MOV10L1: variants seen among roughly 807,000 people sequenced by gnomAD.
MOV10L1 encodes Mov10 like RNA helicase 1, also known as RNA helicase Mov10l1.
MOV10L1 carries 110 observed loss-of-function variants against 143.8 expected under a neutral mutation model. That is an observed-to-expected ratio of 0.76 (90% CI 0.66 to 0.90). MOV10L1 has a LOEUF of 0.90. MOV10L1 is among the 40% of genes least tolerant of loss of function. The pLI, the probability that MOV10L1 is intolerant of heterozygous loss-of-function variation, is 0.00. For synonymous variants in MOV10L1, 593 were observed against 581.1 expected (o/e 1.02, Z -0.29); for missense variants, 1,406 against 1,526.8 (o/e 0.92, Z 1.32).
At chr22:50,140,015 G>A (rs112431179) in intron 15 of MOV10L1, among the ~76,000 whole-genome samples, 118 of 152,314 alleles carry the variant, frequency 7.7e-4, no homozygotes, top group African/African-American at 2.5e-3. Flanking sequence ...ATAAGGCCAC[G>A]TGAGGACCCA....
rs2063488768 is a variant in MOV10L1 at position 50,158,804 on chromosome 22, T to C, written c.3216+598T>C. 1 of 152,662 alleles carries C rather than the reference T, an allele frequency of 6.6e-6. No homozygotes were observed. The highest frequency in any genetic ancestry group is 6.5e-5 in the Admixed American group (1 of 15,316). The allele number at this position is 152,662 out of a possible 1,614,324, so 9.5% of individuals were successfully genotyped here. ...AATACAGAAGAAAAGGTGAGTCCCC[T>C]AGGCCATCACAGTAACAGATCACCT... On this transcript the variant is annotated intron_variant, in intron 23 of 26. Coordinates refer to ENST00000262794, the MANE Select transcript of MOV10L1 (RefSeq NM_018995.3). The surrounding 1 kb of genome is among the most constrained non-coding windows in gnomAD (Gnocchi z 5.0).
intron 10 of MOV10L1, among the ~76,000 whole-genome samples, chr22:50,124,883 T>C (rs2062450475): frequency 6.6e-6 from 1 of 152,222 alleles, no homozygotes; most frequent in Non-Finnish European, 1.5e-5. Flanking sequence ...GGGGCCCCCA[T>C]GGATTGTTTC....
chr22:50,161,175 G>A, intron 26 of MOV10L1, 120 bp downstream of exon 26: 2 of 1,159,264 alleles, frequency 1.7e-6, no homozygotes, highest in Admixed American at 1.8e-5. Flanking sequence ...CCCTCTGCCG[G>A]CCACCGTCCT....
At chr22:50,127,786 T>G (rs907302044) in intron 12 of MOV10L1, among the ~76,000 whole-genome samples, 5 of 152,014 alleles carry the variant, frequency 3.3e-5, no homozygotes, top group African/African-American at 1.2e-4. Context: ...TTTGTTTTTT[T>G]TTTTGAGATG....
chr22:50,101,978 G>A lies in MOV10L1; in HGVS notation c.442+2376G>A, dbSNP rs557154758. Reference sequence around the variant, plus strand: ...ACAGGAAGCCCCTCTCAGGGGTGTCGCCAGGAAATGGCTCAAGAGGAAGAA... The same window carrying A: ...ACAGGAAGCCCCTCTCAGGGGTGTCACCAGGAAATGGCTCAAGAGGAAGAA... On this transcript the variant is annotated intron_variant, in intron 3 of 26. Coordinates refer to ENST00000262794, the MANE Select transcript of MOV10L1 (RefSeq NM_018995.3). Among the ~76,000 whole-genome samples, 9 of 152,306 alleles carry A rather than the reference G, an allele frequency of 5.9e-5. No individual in the cohort carries two copies. In the South Asian group the frequency reaches 1.5e-3, roughly 25 times the overall value.
chr22:50,127,322 A>G (rs1489296753), intron 12 of MOV10L1, among the ~76,000 whole-genome samples: 1 of 152,234 alleles, frequency 6.6e-6, no homozygotes, highest in Non-Finnish European at 1.5e-5. Flanking sequence ...AAACCCTGGC[A>G]TCTGAAATGA....
At chr22:50,099,984 T>G (rs1288731427) in intron 3 of MOV10L1, among the ~76,000 whole-genome samples, 1 of 92,036 alleles carries the variant, frequency 1.1e-5, no homozygotes, top group East Asian at 3.6e-4. Context: ...TTGTTTTTTT[T>G]GTTTTTGTTT....
chr22:50,134,460 A>G, intron 14 of MOV10L1, 70 bp from the exon 15 acceptor site: 1 of 1,301,956 alleles, frequency 7.7e-7, no homozygotes, highest in Non-Finnish European at 1.1e-6. Context: ...GTCAGCCATA[A>G]ACAACCTCTA....
At chr22:50,147,021 T>C in intron 19 of MOV10L1, 11 of 1,545,486 alleles carry the variant, frequency 7.1e-6, no homozygotes, top group Non-Finnish European at 9.6e-6. Flanking sequence ...GACAGGGATT[T>C]TTTTTGTTAA....
intron 4 of MOV10L1, 125 bp from the exon 5 acceptor site, chr22:50,108,532 G>C: frequency 6.9e-6 from 7 of 1,008,050 alleles, no homozygotes; most frequent in Non-Finnish European, 9.0e-6. Context: ...CCAGTGCTAC[G>C]GGATGGCGGA....
intron 3 of MOV10L1, among the ~76,000 whole-genome samples, chr22:50,105,524 T>C (rs1006694650): frequency 1.3e-5 from 2 of 152,240 alleles, no homozygotes; most frequent in African/African-American, 4.8e-5. Context: ...TTTCCTCCAT[T>C]GTTTTTCCAT....
chr22:50,147,054 C>G, intron 19 of MOV10L1: 3 of 1,552,972 alleles, frequency 1.9e-6, no homozygotes, highest in Non-Finnish European at 2.6e-6. Flanking sequence ...AGTCAAAGGT[C>G]AAGAGCCGAA....
chr22:50,090,253 C>T, intron 1 of MOV10L1, 68 bp downstream of exon 1: 1 of 1,418,280 alleles, frequency 7.1e-7, no homozygotes, highest in Non-Finnish European at 9.2e-7. Flanking sequence ...GGGAGCCGCG[C>T]CCATAGGTCT....
At chr22:50,114,667 GGGGCCGT>G in intron 7 of MOV10L1, 45 bp downstream of exon 7, 1 of 1,601,646 alleles carries the variant, frequency 6.2e-7, no homozygotes, top group South Asian at 1.1e-5. Flanking sequence ...GGGTGGGCTG[GGGGCCGT>G]GGGGTTGTGA....
At chr22:50,108,383 G>A in intron 4 of MOV10L1, 135 bp downstream of exon 4, 2 of 873,176 alleles carry the variant, frequency 2.3e-6, no homozygotes, top group South Asian at 2.9e-5. Flanking sequence ...AAAGAGGAGT[G>A]TGTTTTCCTA....
intron 13 of MOV10L1, among the ~76,000 whole-genome samples, chr22:50,131,694 C>A (rs1217592666): frequency 6.6e-6 from 1 of 150,764 alleles, no homozygotes; most frequent in Non-Finnish European, 1.5e-5. Flanking sequence ...ACTGCCCTTT[C>A]TCCAATGAAT....
chr22:50,161,389 C>A lies in MOV10L1; in HGVS notation c.3576C>A (p.Asp1192Glu). ...SLQNCGEGVA[D>E]PSYPVVPEST... ...ACAGCTGTGGCGAGGGGGTGGCAGA[C>A]CCCTCCTACCCAGTGGTGCCAGAAT... Residue 1192 changes from aspartate to glutamate, a missense_variant, in exon 27 of 27, where the codon GAC becomes GAA. Physicochemically the swap from Asp to Glu is conservative, Grantham distance 45. Transcript: ENST00000262794. 6.2e-7 allele frequency: 1 copy of A among 1,600,274 alleles called. No individual in the cohort carries two copies. The highest frequency in any genetic ancestry group is 8.5e-7 in the Non-Finnish European group (1 of 1,173,750).
Position 50,114,303 on chromosome 22 carries a change from G to A in MOV10L1, c.885-78G>A, listed in dbSNP as rs1002938348. The stretch of plus-strand genomic sequence containing the variant: ...TTTGCAGTCACCACTTCCTAGATTA[G>A]GTTTTGTGTTTTATGATAACTGAAT... On this transcript the variant is annotated intron_variant, in intron 6 of 26. Coordinates refer to ENST00000262794, the MANE Select transcript of MOV10L1 (RefSeq NM_018995.3). 2.6e-6 allele frequency: 4 copies of A among 1,520,148 alleles called. No individual in the cohort carries two copies. In the African/African-American group the frequency reaches 4.2e-5, roughly 16 times the overall value. 94.2% of individuals were successfully genotyped at this position (1,520,148 alleles called of 1,614,324 possible). A position where few individuals can be genotyped will look rare whatever the true frequency, so the allele number is the denominator to read the frequency against.
At chr22:50,129,274 G>A (rs577006712) in intron 13 of MOV10L1, among the ~76,000 whole-genome samples, 101 of 152,154 alleles carry the variant, frequency 6.6e-4, no homozygotes, top group African/African-American at 2.3e-3. Context: ...TTTTCTTGTC[G>A]GATGAGGGGT....
Sources: gnomAD v4.1 joint callset for allele counts (sites outside exome capture counted in the v4.1 genomes callset) on GRCh38, gnomAD v4.1.1 for gene constraint, Gnocchi (gnomAD v3.1) non-coding constraint, MANE v1.5 for transcripts, NCBI Gene and HGNC (gene_info 2026-07-23, HGNC 2026-07-21) for gene names.